RBBP5: variants seen among roughly 807,000 people sequenced by gnomAD.
RBBP5 encodes retinoblastoma-binding protein 5.
In RBBP5, 5 loss-of-function variants were observed where a neutral mutation model predicts 72.2. The ratio of observed to expected loss-of-function variants is 0.07; its 90% CI spans 0.04 to 0.15. The LOEUF (loss-of-function observed/expected upper bound fraction) is 0.15, where lower values mean the gene tolerates loss of function less well. Among genes scored for constraint, RBBP5 ranks in the 10% least tolerant of loss-of-function variants. RBBP5 has a pLI of 1.00. For synonymous variants in RBBP5, 209 were observed against 237.2 expected (o/e 0.88, Z 1.09); for missense variants, 322 against 652.2 (o/e 0.49, Z 5.51).
At chr1:205,097,736 G>C (rs1655671154) in intron 10 of RBBP5, among the ~76,000 whole-genome samples, 1 of 152,202 alleles carries the variant, frequency 6.6e-6, no homozygotes, top group African/African-American at 2.4e-5. Flanking sequence ...AATCTGGGAA[G>C]GTTTGACAGA....
intron 13 of RBBP5, among the ~76,000 whole-genome samples, 199 bp from the exon 14 acceptor site, chr1:205,089,014 C>T (rs547954548): frequency 6.6e-6 from 1 of 152,288 alleles, no homozygotes; most frequent in South Asian, 2.1e-4. Context: ...TCCAAACCCC[C>T]CACCCCAATA....
intron 1 of RBBP5, among the ~76,000 whole-genome samples, chr1:205,119,217 A>G (rs1656644499): frequency 6.6e-6 from 1 of 152,046 alleles, no homozygotes; most frequent in Non-Finnish European, 1.5e-5. Flanking sequence ...ACATGGTGAA[A>G]CCCAGTCTCT....
At chr1:205,093,477 AAAATATATATATATATATATATATATAT>A (rs1655453517) in intron 13 of RBBP5, among the ~76,000 whole-genome samples, 2 of 6,886 alleles carry the variant, frequency 2.9e-4, no homozygotes, top group South Asian at 0.015. Flanking sequence ...AAAAAAAAAA[AAAATATATATATATATATATATATATAT>A]ATATATATAT....
chr1:205,104,413 C>T (rs1421786860), intron 4 of RBBP5, among the ~76,000 whole-genome samples: 3 of 152,016 alleles, frequency 2.0e-5, no homozygotes, highest in African/African-American at 7.3e-5. Context: ...ATCCCAGCTA[C>T]TTGGGAGGCC....
chr1:205,107,152 A>G (rs1300447371), intron 3 of RBBP5, among the ~76,000 whole-genome samples: 2 of 152,148 alleles, frequency 1.3e-5, no homozygotes, highest in Non-Finnish European at 2.9e-5. Flanking sequence ...CTATAACAAA[A>G]GATGTAATAT....
At chr1:205,090,865 G>A (rs1263334301) in intron 13 of RBBP5, among the ~76,000 whole-genome samples, 10 of 150,966 alleles carry the variant, frequency 6.6e-5, no homozygotes, top group Admixed American at 5.9e-4. Flanking sequence ...GGAAGGAAAA[G>A]AAGGAAAGGA....
In RBBP5 at chr1:205,103,813, G is replaced by A. The variant is rs780207066; in HGVS notation, c.522+44C>T. On this transcript the variant is annotated intron_variant, in intron 5 of 13. Coordinates refer to ENST00000264515, the MANE Select transcript of RBBP5 (RefSeq NM_005057.4). Reference sequence around the variant, plus strand: ...GAAACAAAACAAGTAAACATTAAATGAGCCAGTGTACAAGATGCCTGATTT... The same window carrying A: ...GAAACAAAACAAGTAAACATTAAATAAGCCAGTGTACAAGATGCCTGATTT... The A allele has an allele frequency of 8.9e-6, 14 of 1,576,984 alleles. No individual in the cohort carries two copies. The South Asian group carries it at 9.0e-5, about 10-fold the overall frequency.
chr1:205,095,850 G>C (rs991228824), intron 12 of RBBP5, among the ~76,000 whole-genome samples: 3 of 152,140 alleles, frequency 2.0e-5, no homozygotes, highest in African/African-American at 4.8e-5. Context: ...GAAATCGATA[G>C]CATCAGGAAA....
chr1:205,121,774 C>T (rs1656746023), intron 1 of RBBP5, 81 bp downstream of exon 1: 20 of 1,597,504 alleles, frequency 1.3e-5, no homozygotes, highest in Non-Finnish European at 1.5e-5. Flanking sequence ...CCTAAGATTG[C>T]AGCCTGACTC....
At chr1:205,119,677 C>A (rs1295886088) in intron 1 of RBBP5, among the ~76,000 whole-genome samples, 1 of 152,202 alleles carries the variant, frequency 6.6e-6, no homozygotes, top group Admixed American at 6.5e-5. Flanking sequence ...TCAGACTCAA[C>A]TGCTCTGATT....
chr1:205,096,557 TA>T, intron 12 of RBBP5, 124 bp downstream of exon 12: 1 of 839,326 alleles, frequency 1.2e-6, no homozygotes, highest in East Asian at 2.5e-5. Flanking sequence ...TAAAACACTA[TA>T]AAACAGACTC....
intron 1 of RBBP5, among the ~76,000 whole-genome samples, chr1:205,117,019 TTTTTTTTTGTTTTTCGACCGGCCTGG>T (rs1475887615): frequency 6.6e-6 from 1 of 150,668 alleles, no homozygotes; most frequent in African/African-American, 2.5e-5. Context: ...TTTTTTTGGG[TTTTTTTTTGTTTTTCGACCGGCCTGG>T]TTTTTTTTGT....
At chr1:205,091,109 C>A (rs1375594304) in intron 13 of RBBP5, 1 of 152,418 alleles carries the variant, frequency 6.6e-6, no homozygotes, top group Non-Finnish European at 1.5e-5. Context: ...CCATCTCCAA[C>A]AGACCCAGGT....
chr1:205,088,687 G>A lies in RBBP5; in HGVS notation c.*100C>T. 3 of 1,264,454 alleles carry A rather than the reference G, an allele frequency of 2.4e-6. No homozygotes were observed. The highest frequency in any genetic ancestry group is 3.4e-6 in the Non-Finnish European group (3 of 894,494). 78.3% of individuals were successfully genotyped at this position (1,264,454 alleles called of 1,614,324 possible). A position where few individuals can be genotyped will look rare whatever the true frequency, so the allele number is the denominator to read the frequency against. ...CCCACCTCCTGGGTGGGAGGCACAG[G>A]CCTTTGTTTTAAATTAAAGTCAATT... On this transcript the variant is annotated 3_prime_UTR_variant, in exon 14 of 14. Coordinates refer to ENST00000264515, the MANE Select transcript of RBBP5 (RefSeq NM_005057.4).
In RBBP5 at chr1:205,087,561, A is replaced by C. The variant is rs1450153659; in HGVS notation, c.*1226T>G. The C allele has an allele frequency of 7.3e-5, 11 of 151,100 alleles. 1 individual carries two copies. The highest frequency in any genetic ancestry group is 7.2e-4 in the Admixed American group (11 of 15,204). The allele number at this position is 151,100 out of a possible 1,614,324, so 9.4% of individuals were successfully genotyped here. ...TCTCCTTTTAAAATATTGAAAAAAA[A>C]AAAAAAAAAAAAAAGACGATCCAGA... is the stretch of plus-strand genomic sequence containing the variant. On this transcript the variant is annotated 3_prime_UTR_variant, in exon 14 of 14. Transcript: ENST00000264515.
At chr1:205,093,571 G>C (rs1157025540) in intron 13 of RBBP5, among the ~76,000 whole-genome samples, 1 of 101,208 alleles carries the variant, frequency 9.9e-6, no homozygotes, top group Non-Finnish European at 2.0e-5. Context: ...CACACACACA[G>C]CATTATATGT....
chr1:205,094,811 T>C, intron 13 of RBBP5, 62 bp downstream of exon 13: 2 of 1,475,346 alleles, frequency 1.4e-6, no homozygotes, highest in Non-Finnish European at 1.8e-6. Flanking sequence ...TTAAATGAAG[T>C]CAAGGGCTAC....
chr1:205,115,841 C>T lies in RBBP5; in HGVS notation c.45+17G>A. On this transcript the variant is annotated intron_variant, in intron 2 of 13. Transcript: ENST00000264515. ...AGTTACTATGTTCCTAAAATCACCA[C>T]AATACTATACTCTTACCTCTGGATA... 6.3e-7 allele frequency: 1 copy of T among 1,584,784 alleles called. No individual in the cohort carries two copies. Among genetic ancestry groups the T allele is most frequent in the Non-Finnish European group, 8.6e-7 (1 of 1,169,552 alleles).
At chr1:205,120,957 T>C (rs1187567941) in intron 1 of RBBP5, among the ~76,000 whole-genome samples, 1 of 152,188 alleles carries the variant, frequency 6.6e-6, no homozygotes, top group East Asian at 1.9e-4. Flanking sequence ...CCTACAGCTA[T>C]TTTACATAAT....
Sources: gnomAD v4.1 joint callset for allele counts (sites outside exome capture counted in the v4.1 genomes callset) on GRCh38, gnomAD v4.1.1 for gene constraint, MANE v1.5 for transcripts, NCBI Gene and HGNC (gene_info 2026-07-23, HGNC 2026-07-21) for gene names.